The following NEK11 variants were observed in gnomAD, a reference collection of about 807,000 sequenced individuals.
NEK11 encodes the protein NIMA related kinase 11.
NEK11 carries 72 observed loss-of-function variants against 80.7 expected under a neutral mutation model. The ratio of observed to expected loss-of-function variants is 0.89; its 90% confidence interval spans 0.74 to 1.08. NEK11 has a LOEUF of 1.08. Among genes scored for constraint, NEK11 ranks in the 50% least tolerant of loss-of-function variants. The pLI is 0.00. For missense variants in NEK11, 764 were observed against 763.6 expected, an observed-to-expected ratio of 1.00 and a Z score of -0.01; for synonymous variants, 251 against 260.7, an observed-to-expected ratio of 0.96 and a Z score of 0.36.
At chr3:131,227,932 T>C (rs956243973) in intron 14 of NEK11, among the ~76,000 whole-genome samples, 1 of 152,126 alleles carries the variant, frequency 6.6e-6, no homozygotes, top group Non-Finnish European at 1.5e-5. Context: ...GTGCTGAATG[T>C]AAGGTTGAGT....
chr3:131,235,964 C>T (rs1388855501), intron 15 of NEK11, among the ~76,000 whole-genome samples: 1 of 152,152 alleles, frequency 6.6e-6, no homozygotes, highest in Non-Finnish European at 1.5e-5. Flanking sequence ...GGACTATGAG[C>T]TGATGATTTA....
Position 131,083,666 on chromosome 3 carries a change from T to C in NEK11, c.336+3078T>C, listed in dbSNP as rs534019847. Reference sequence around the variant, plus strand: ...TATCTCTTTATCTCCAGGTTCCCTCTTCTGTAATTTAATTTGGGGCCTTTC... The same window carrying C: ...TATCTCTTTATCTCCAGGTTCCCTCCTCTGTAATTTAATTTGGGGCCTTTC... On this transcript the variant is annotated intron_variant, in intron 4 of 17. Coordinates refer to ENST00000383366, the MANE Select transcript of NEK11 (RefSeq NM_024800.5). 1.9e-4 allele frequency among the ~76,000 whole-genome samples: 29 copies of C among 152,346 alleles called. No homozygotes were observed. The South Asian group carries it at 5.8e-3, about 30-fold the overall frequency.
At chr3:131,303,379 T>C (rs563822224) in intron 17 of NEK11, among the ~76,000 whole-genome samples, 2 of 152,216 alleles carry the variant, frequency 1.3e-5, no homozygotes, top group Non-Finnish European at 2.9e-5. Context: ...TGTTATTAGC[T>C]GGGGTTATTA....
intron 12 of NEK11, among the ~76,000 whole-genome samples, chr3:131,166,524 G>A (rs1169034560): frequency 6.6e-6 from 1 of 152,176 alleles, no homozygotes; most frequent in East Asian, 1.9e-4. Context: ...TCCCAAGTGG[G>A]GACCAATAAG....
Position 131,097,562 on chromosome 3 carries a change from G to A in NEK11, c.337-12241G>A, listed in dbSNP as rs557150715. Among the ~76,000 whole-genome samples, 17 of 152,188 alleles carry A rather than the reference G, an allele frequency of 1.1e-4. 1 individual carries two copies. The highest frequency in any genetic ancestry group is 8.5e-4 in the Admixed American group (13 of 15,280). ...TGAGAAGTGTCTGTTCATATCCTTT[G>A]CCCACTTTTTGATGGGGTTGTTTGT... On this transcript the variant is annotated intron_variant, in intron 4 of 17. Coordinates refer to ENST00000383366, the MANE Select transcript of NEK11 (RefSeq NM_024800.5).
intron 16 of NEK11, among the ~76,000 whole-genome samples, chr3:131,251,596 G>A (rs947559132): frequency 6.6e-6 from 1 of 152,090 alleles, no homozygotes; most frequent in African/African-American, 2.4e-5. Context: ...TTAATTAAAT[G>A]TATTTTTCAG....
intron 5 of NEK11, among the ~76,000 whole-genome samples, chr3:131,125,103 G>A (rs1207019232): frequency 6.6e-6 from 1 of 152,020 alleles, no homozygotes; most frequent in African/African-American, 2.4e-5. Flanking sequence ...TCCACTAAAG[G>A]GTTAAAGAGG....
At chr3:131,149,368 C>T (rs375998944) in intron 7 of NEK11, among the ~76,000 whole-genome samples, 11 of 152,028 alleles carry the variant, frequency 7.2e-5, no homozygotes, top group East Asian at 1.9e-4. Context: ...TCCAGTCTAC[C>T]GTTGATGGGC....
chr3:131,135,627 G>T lies in NEK11; in HGVS notation c.647+1671G>T, dbSNP rs865949767. ...TCAATTTTGGGCTTTGCTTCAGATCGAATTTCAATTATATACCTATATATC... is the reference window on the plus strand; with the variant it reads ...TCAATTTTGGGCTTTGCTTCAGATCTAATTTCAATTATATACCTATATATC... On this transcript the variant is annotated intron_variant, in intron 7 of 17. Transcript: ENST00000383366. Among the ~76,000 whole-genome samples the T allele has an allele frequency of 2.6e-5, 4 of 151,874 alleles. No individual in the cohort carries two copies. The South Asian group carries it at 6.2e-4, about 24-fold the overall frequency.
At chr3:131,177,555 G>C (rs1056432422) in intron 14 of NEK11, among the ~76,000 whole-genome samples, 4 of 152,148 alleles carry the variant, frequency 2.6e-5, no homozygotes, top group African/African-American at 9.7e-5. Context: ...CCAGCTCAAA[G>C]ACGTCCTCCT....
chr3:131,189,546 C>T (rs1334608366), intron 14 of NEK11, among the ~76,000 whole-genome samples: 1 of 152,198 alleles, frequency 6.6e-6, no homozygotes, highest in Non-Finnish European at 1.5e-5. Context: ...CTCAAAGGCT[C>T]CAACTTCTAA....
At chr3:131,290,761 A>G (rs1244835355) in intron 17 of NEK11, among the ~76,000 whole-genome samples, 2 of 152,196 alleles carry the variant, frequency 1.3e-5, no homozygotes, top group African/African-American at 4.8e-5. Context: ...TGGAAAAATC[A>G]AGATCTTCCC....
chr3:131,265,060 A>C (rs2096019310), intron 16 of NEK11, among the ~76,000 whole-genome samples: 1 of 152,080 alleles, frequency 6.6e-6, no homozygotes, highest in Non-Finnish European at 1.5e-5. Flanking sequence ...TTGCACATTG[A>C]TTTTGTATCC....
intron 10 of NEK11, among the ~76,000 whole-genome samples, chr3:131,161,251 C>T (rs2091536192): frequency 6.6e-6 from 1 of 151,950 alleles, no homozygotes; most frequent in African/African-American, 2.4e-5. Context: ...TAAATTAGTT[C>T]AACCATTGTG....
chr3:131,094,474 T>C (rs1450870722), intron 4 of NEK11, among the ~76,000 whole-genome samples: 5 of 152,156 alleles, frequency 3.3e-5, no homozygotes, highest in African/African-American at 1.2e-4. Context: ...CAATCAGTAA[T>C]ACCTTTGAAC....
chr3:131,177,156 T>A (rs1018004118), intron 14 of NEK11, among the ~76,000 whole-genome samples: 4 of 152,190 alleles, frequency 2.6e-5, no homozygotes, highest in Non-Finnish European at 2.9e-5. Flanking sequence ...ACTTATGTGC[T>A]TACCACTTGG....
chr3:131,319,969 CTAAT>C (rs1346490176), intron 17 of NEK11, among the ~76,000 whole-genome samples: 2 of 152,096 alleles, frequency 1.3e-5, no homozygotes, highest in South Asian at 2.1e-4. Flanking sequence ...CTAAAATATT[CTAAT>C]TAATCTGAAC....
At chr3:131,051,850 A>G (rs1056176440) in intron 3 of NEK11, among the ~76,000 whole-genome samples, 1 of 152,192 alleles carries the variant, frequency 6.6e-6, no homozygotes, top group Non-Finnish European at 1.5e-5. Flanking sequence ...CATGGAGTAG[A>G]GTAAAACATT....
intron 17 of NEK11, among the ~76,000 whole-genome samples, chr3:131,335,699 G>A (rs2110190792): frequency 6.6e-6 from 1 of 152,276 alleles, no homozygotes; most frequent in South Asian, 2.1e-4. Flanking sequence ...CAGATGACAT[G>A]ATTGTATATC....
Sources: gnomAD v4.1 joint callset for allele counts (sites outside exome capture counted in the v4.1 genomes callset) on GRCh38, gnomAD v4.1.1 for gene constraint, MANE v1.5 for transcripts, NCBI Gene and HGNC (gene_info 2026-07-23, HGNC 2026-07-21) for gene names.